The following DIP2C variants were observed in gnomAD, a reference collection of about 807,000 sequenced individuals.
DIP2C encodes the protein disco-interacting protein 2 homolog C.
In DIP2C, 33 loss-of-function variants were observed where a neutral mutation model predicts 192.4. The observed-to-expected ratio is 0.17, with a 90% CI of 0.13 to 0.23. DIP2C has a LOEUF of 0.23. DIP2C is among the 10% of genes least tolerant of loss of function. DIP2C has a pLI of 1.00. For synonymous variants in DIP2C, 979 were observed against 864.1 expected (o/e 1.13, Z -2.33); for missense variants, 1,537 against 2,110.1 (o/e 0.73, Z 5.32).
At chr10:648,473 T>C (rs1434214947) in intron 1 of DIP2C, among the ~76,000 whole-genome samples, 5 of 129,204 alleles carry the variant, frequency 3.9e-5, no homozygotes, top group African/African-American at 1.2e-4. Flanking sequence ...CGTCCACATT[T>C]GATGGTGGGA....
chr10:505,987 C>A (rs1845572446), intron 1 of DIP2C, among the ~76,000 whole-genome samples: 1 of 152,110 alleles, frequency 6.6e-6, no homozygotes, highest in Non-Finnish European at 1.5e-5. Context: ...CTGAGAAATC[C>A]AGGGGATTAG....
chr10:653,675 A>T (rs1239734901), intron 1 of DIP2C, among the ~76,000 whole-genome samples: 1 of 152,234 alleles, frequency 6.6e-6, no homozygotes, highest in African/African-American at 2.4e-5. Flanking sequence ...ACATACTAAC[A>T]GAATACATTT....
intron 1 of DIP2C, among the ~76,000 whole-genome samples, chr10:568,764 T>TAAA (rs1849592091): frequency 7.5e-5 from 1 of 13,356 alleles, no homozygotes; most frequent in Non-Finnish European, 1.7e-4. Flanking sequence ...AAACTCCGTC[T>TAAA]CAAAAAAAAA....
chr10:357,778 AGTCGGAAAAGTCGGGGACG>A (rs1407806447), intron 23 of DIP2C, 31 bp downstream of exon 23: 6 of 1,414,054 alleles, frequency 4.2e-6, no homozygotes, highest in Admixed American at 3.4e-5. Context: ...GGTCGGGGAC[AGTCGGAAAAGTCGGGGACG>A]GTCGGGGAGA....
intron 1 of DIP2C, among the ~76,000 whole-genome samples, chr10:598,412 C>CA (rs1437918271): frequency 6.6e-6 from 1 of 152,268 alleles, no homozygotes; most frequent in African/African-American, 2.4e-5. Flanking sequence ...GACATTCCCT[C>CA]AATCCATATG....
intron 3 of DIP2C, chr10:441,199 T>C (rs1461982304): frequency 3.3e-6 from 2 of 602,568 alleles, no homozygotes; most frequent in African/African-American, 1.9e-5. Context: ...TTTATTTTAT[T>C]ACCACAGAAT....
intron 1 of DIP2C, among the ~76,000 whole-genome samples, chr10:525,386 C>T (rs1588388111): frequency 1.3e-5 from 2 of 152,112 alleles, no homozygotes; most frequent in Admixed American, 6.5e-5. Context: ...TGAGACTCAG[C>T]GTATCTCAGA....
At chr10:526,241 A>T (rs751807502) in intron 1 of DIP2C, among the ~76,000 whole-genome samples, 12 of 152,232 alleles carry the variant, frequency 7.9e-5, no homozygotes, top group Non-Finnish European at 1.3e-4. Context: ...TCCACTCTGA[A>T]CGTCCAAGTG....
At chr10:686,356 G>T (rs956296113) in intron 1 of DIP2C, among the ~76,000 whole-genome samples, 1 of 149,966 alleles carries the variant, frequency 6.7e-6, no homozygotes, top group African/African-American at 2.5e-5. Flanking sequence ...CCCCCACGTG[G>T]TCTCCCCACC....
At chr10:398,805 A>T (rs940023286) in intron 10 of DIP2C, among the ~76,000 whole-genome samples, 11 of 352 alleles carry the variant, frequency 0.031, no homozygotes, top group Non-Finnish European at 0.089. Flanking sequence ...ATAATAATTA[A>T]AAAAAAACTA....
intron 1 of DIP2C, among the ~76,000 whole-genome samples, chr10:566,396 G>A (rs920626875): frequency 3.9e-5 from 6 of 152,142 alleles, no homozygotes; most frequent in African/African-American, 1.2e-4. Flanking sequence ...TGCATGAGCC[G>A]CTGACCCACC....
At chr10:657,840 CCTGGACCTGCCG>C (rs1436969292) in intron 1 of DIP2C, among the ~76,000 whole-genome samples, 7 of 142,270 alleles carry the variant, frequency 4.9e-5, no homozygotes, top group Non-Finnish European at 6.1e-5. Context: ...TGGACCTGCC[CCTGGACCTGCCG>C]CTGGACCTGA....
At chr10:578,643 T>C (rs955701308) in intron 1 of DIP2C, among the ~76,000 whole-genome samples, 1 of 152,204 alleles carries the variant, frequency 6.6e-6, no homozygotes, top group Non-Finnish European at 1.5e-5. Flanking sequence ...CGAGATGGTG[T>C]GTTCCGGGAT....
chr10:606,506 G>A (rs1852490162), intron 1 of DIP2C, among the ~76,000 whole-genome samples: 1 of 150,256 alleles, frequency 6.7e-6, no homozygotes, highest in Non-Finnish European at 1.5e-5. Flanking sequence ...GTTGGGAGGG[G>A]ATCTCACGGC....
At chr10:554,429 G>A (rs80067898) in intron 1 of DIP2C, among the ~76,000 whole-genome samples, 1 of 152,200 alleles carries the variant, frequency 6.6e-6, no homozygotes, top group African/African-American at 2.4e-5. Flanking sequence ...GATCTTGCTT[G>A]ATAAGGTATT....
intron 10 of DIP2C, among the ~76,000 whole-genome samples, chr10:393,835 A>AAC (rs1564655383): frequency 2.0e-5 from 3 of 150,290 alleles, no homozygotes; most frequent in African/African-American, 7.4e-5. Context: ...GGAAAAAAAA[A>AAC]AAAAACAACC....
At chr10:435,518 T>C (rs1232325643) in intron 4 of DIP2C, among the ~76,000 whole-genome samples, 1 of 152,218 alleles carries the variant, frequency 6.6e-6, no homozygotes, top group South Asian at 2.1e-4. Context: ...TCAATTCCAG[T>C]TCAGGTTTTC....
Position 390,110 on chromosome 10 carries a change from C to A in DIP2C, c.1495-17G>T, listed in dbSNP as rs374723506. 6.2e-7 allele frequency: 1 copy of A among 1,611,144 alleles called. No individual in the cohort carries two copies. The highest frequency in any genetic ancestry group is 8.5e-7 in the Non-Finnish European group (1 of 1,177,874). On this transcript the variant is annotated splice_polypyrimidine_tract_variant and intron_variant, in intron 12 of 36. Coordinates refer to ENST00000280886, the MANE Select transcript of DIP2C (RefSeq NM_014974.3). ...CGTCTTGTACTGAAACGAGACAAAG[C>A]GTGAGGGAAGTGGGGCTGACAGGTC...
intron 1 of DIP2C, among the ~76,000 whole-genome samples, chr10:599,208 T>C (rs1046401365): frequency 6.6e-6 from 1 of 151,990 alleles, no homozygotes; most frequent in African/African-American, 2.4e-5. Context: ...GCACCCCACA[T>C]CCTCTGGTCT....
Sources: allele counts gnomAD v4.1 joint callset (sites outside exome capture counted in the v4.1 genomes callset), GRCh38; gene constraint gnomAD v4.1.1; transcripts MANE v1.5; gene names NCBI Gene and HGNC (gene_info 2026-07-23, HGNC 2026-07-21).